POMK: variants seen among roughly 807,000 people sequenced by gnomAD.
POMK encodes protein O-mannose kinase.
Under a neutral mutation model 23.0 loss-of-function variants are expected in POMK, and 19 were observed. That is an observed-to-expected ratio of 0.83 (90% CI 0.58 to 1.21). POMK has a LOEUF of 1.21. Ranked by LOEUF, POMK falls within the 50% of genes most tolerant of loss-of-function variation. POMK has a pLI of 0.00. For synonymous variants in POMK, 173 were observed against 171.6 expected, an observed-to-expected ratio of 1.01 and a Z score of -0.06; for missense variants, 410 against 431.3, an observed-to-expected ratio of 0.95 and a Z score of 0.44.
chr8:43,114,398 G>A (rs778709316), intron 4 of POMK, among the ~76,000 whole-genome samples: 5 of 152,214 alleles, frequency 3.3e-5, no homozygotes, highest in East Asian at 1.9e-4. Context: ...CTCCGTGGGC[G>A]TAGGACCCTC....
intron 4 of POMK, among the ~76,000 whole-genome samples, chr8:43,112,488 C>T (rs1811695215): frequency 6.6e-6 from 1 of 152,210 alleles, no homozygotes; most frequent in Admixed American, 6.5e-5. Flanking sequence ...GGAAAACACT[C>T]TGCAGGATAT....
chr8:43,116,828 A>G (rs1029764021), intron 4 of POMK, among the ~76,000 whole-genome samples: 2 of 152,246 alleles, frequency 1.3e-5, no homozygotes, highest in East Asian at 1.9e-4. Context: ...TGAAGAGACC[A>G]CCAAACAGGC....
intron 4 of POMK, among the ~76,000 whole-genome samples, chr8:43,120,955 G>A (rs750677456): frequency 5.1e-4 from 78 of 152,294 alleles, no homozygotes; most frequent in South Asian, 1.2e-3. Context: ...GGAATTACAG[G>A]TGTGAGCCAC....
chr8:43,114,342 G>C (rs564470602), intron 4 of POMK, among the ~76,000 whole-genome samples: 1 of 152,198 alleles, frequency 6.6e-6, no homozygotes, highest in East Asian at 1.9e-4. Context: ...GGCTCGCTGC[G>C]GCCTTGCAGT....
At chr8:43,113,905 G>C (rs1811735975) in intron 4 of POMK, among the ~76,000 whole-genome samples, 1 of 152,260 alleles carries the variant, frequency 6.6e-6, no homozygotes, top group Non-Finnish European at 1.5e-5. Flanking sequence ...GGTACCAGCA[G>C]CGGTGGCTGC....
intron 1 of POMK, among the ~76,000 whole-genome samples, chr8:43,094,806 T>C (rs1466369905): frequency 6.6e-6 from 1 of 152,206 alleles, no homozygotes; most frequent in Non-Finnish European, 1.5e-5. Context: ...CCTTTCTCTA[T>C]CAATAAGCCT....
intron 4 of POMK, among the ~76,000 whole-genome samples, chr8:43,113,276 A>G (rs1358654132): frequency 6.6e-6 from 1 of 152,150 alleles, no homozygotes; most frequent in Non-Finnish European, 1.5e-5. Flanking sequence ...GTCTTTTCAC[A>G]TAGTCTCATA....
intron 4 of POMK, among the ~76,000 whole-genome samples, chr8:43,120,679 CT>C (rs35296604): frequency 0.054 from 7,543 of 140,552 alleles, 356 homozygotes; most frequent in African/African-American, 0.13. Flanking sequence ...TAATTTCTTT[CT>C]TTTTTTTTTT....
chr8:43,103,521 A>G lies in POMK; in HGVS notation c.-21-7A>G. The G allele has an allele frequency of 1.2e-6, 2 of 1,612,016 alleles. No homozygotes were observed. Among genetic ancestry groups the G allele is most frequent in the Non-Finnish European group, 1.7e-6 (2 of 1,178,696 alleles). On this transcript the variant is annotated splice_region_variant and splice_polypyrimidine_tract_variant and intron_variant, in intron 3 of 4. Transcript: ENST00000331373. ...GTCATGACTTCTTGTTTCATTGTGT[A>G]TTTTAGGAAATTGCAGAGGCCGTCA...
chr8:43,118,925 C>T (rs1811854972), intron 4 of POMK, among the ~76,000 whole-genome samples: 2 of 152,174 alleles, frequency 1.3e-5, no homozygotes, highest in African/African-American at 2.4e-5. Context: ...CATTCTCCTG[C>T]CTCAGCCTCC....
chr8:43,119,601 TA>T (rs1251257383), intron 4 of POMK, among the ~76,000 whole-genome samples: 2 of 151,736 alleles, frequency 1.3e-5, no homozygotes, highest in African/African-American at 2.4e-5. Context: ...CCCAGCTAAT[TA>T]TTTTGTATTT....
intron 4 of POMK, among the ~76,000 whole-genome samples, chr8:43,105,765 G>C (rs1372671787): frequency 1.3e-5 from 2 of 152,146 alleles, no homozygotes; most frequent in Non-Finnish European, 2.9e-5. Context: ...CTGGGTTCAA[G>C]CAATTCTCCT....
At chr8:43,101,268 A>G (rs573468591) in intron 2 of POMK, among the ~76,000 whole-genome samples, 1 of 152,148 alleles carries the variant, frequency 6.6e-6, no homozygotes, top group East Asian at 1.9e-4. Context: ...ACAAAAAAAA[A>G]TACAAAAATT....
chr8:43,096,596 A>G (rs969956738), intron 1 of POMK, among the ~76,000 whole-genome samples: 1 of 152,026 alleles, frequency 6.6e-6, no homozygotes, highest in East Asian at 1.9e-4. Context: ...TCCCTTTAAC[A>G]AGGGAGTCAG....
intron 4 of POMK, among the ~76,000 whole-genome samples, chr8:43,121,679 TGTGGTG>T (rs1452293127): frequency 2.0e-5 from 3 of 152,176 alleles, no homozygotes; most frequent in Admixed American, 6.5e-5. Flanking sequence ...CCACCCACTG[TGTGGTG>T]GTCCATTGGA....
chr8:43,099,791 C>A (rs949087302), intron 2 of POMK, among the ~76,000 whole-genome samples: 1 of 152,038 alleles, frequency 6.6e-6, no homozygotes, highest in Non-Finnish European at 1.5e-5. Flanking sequence ...AGTGCAGGAA[C>A]CTGGGGTGGG....
chr8:43,120,521 G>A (rs910481250), intron 4 of POMK, among the ~76,000 whole-genome samples: 6 of 151,542 alleles, frequency 4.0e-5, no homozygotes, highest in African/African-American at 1.5e-4. Flanking sequence ...GCACCCAGCC[G>A]TACCATTACT....
chr8:43,106,714 G>T (rs1338869603), intron 4 of POMK, among the ~76,000 whole-genome samples: 1 of 151,980 alleles, frequency 6.6e-6, no homozygotes, highest in Non-Finnish European at 1.5e-5. Flanking sequence ...GGCCAGGCTG[G>T]TCTTGAACTC....
intron 3 of POMK, among the ~76,000 whole-genome samples, chr8:43,103,087 T>C (rs570009713): frequency 1.3e-5 from 2 of 152,220 alleles, no homozygotes. Context: ...ACAGGACAGC[T>C]GCTTAGCTGA....
Sources: gnomAD v4.1 joint callset for allele counts (sites outside exome capture counted in the v4.1 genomes callset) on GRCh38, gnomAD v4.1.1 for gene constraint, MANE v1.5 for transcripts, NCBI Gene and HGNC (gene_info 2026-07-23, HGNC 2026-07-21) for gene names.